The following GPLD1 variants were observed in gnomAD, a reference collection of about 807,000 sequenced individuals.
The protein encoded by GPLD1 is glycosylphosphatidylinositol specific phospholipase D1.
In GPLD1, 84 loss-of-function variants were observed where a neutral mutation model predicts 112.6. That is an observed-to-expected ratio of 0.75 (90% confidence interval 0.63 to 0.89). The LOEUF is 0.89. GPLD1 is among the 40% of genes least tolerant of loss of function. The pLI is 0.00. For synonymous variants in GPLD1, 386 were observed against 403.8 expected, an observed-to-expected ratio of 0.96 and a Z score of 0.53; for missense variants, 1,044 against 1,051.5, an observed-to-expected ratio of 0.99 and a Z score of 0.10.
intron 13 of GPLD1, among the ~76,000 whole-genome samples, chr6:24,455,722 G>A (rs576938478): frequency 5.1e-4 from 78 of 152,266 alleles, no homozygotes; most frequent in African/African-American, 1.8e-3. Flanking sequence ...AAAGAAATCT[G>A]TAAGAATTTA....
chr6:24,464,730 G>GGAGGGT (rs1561846546), intron 10 of GPLD1, among the ~76,000 whole-genome samples: 1 of 152,138 alleles, frequency 6.6e-6, no homozygotes, highest in African/African-American at 2.4e-5. Context: ...CCAGGCACAG[G>GGAGGGT]TCCCGCCCAG....
intron 23 of GPLD1, 49 bp from the exon 24 acceptor site, chr6:24,433,286 A>G (rs1375215946): frequency 1.9e-6 from 3 of 1,587,244 alleles, no homozygotes; most frequent in Admixed American, 1.7e-5. Context: ...ATAGTGTAAT[A>G]CTTTATCCGT....
In GPLD1 at chr6:24,436,725, T is replaced by C. The variant is rs1139478; in HGVS notation, c.2209A>G (p.Met737Val). The C allele has an allele frequency of 2.5e-6, 4 of 1,613,068 alleles. No homozygotes were observed. The highest frequency in any genetic ancestry group is 2.5e-6 in the Non-Finnish European group (3 of 1,179,792). The change falls in exon 22 of 25, where the codon ATG becomes GTG. Residue 737 changes from methionine to valine, a missense_variant. Met to Val is a conservative substitution (Grantham distance 21, BLOSUM62 1). Coordinates refer to ENST00000230036, the MANE Select transcript of GPLD1 (RefSeq NM_001503.4). ...LDDDGLDEII[M>V]AAPLRIADVT... ...TCTGCTATCCTCAGGGGGGCTGCCA[T>C]GATGATTTCATCTGAAAACAATAAA...
chr6:24,472,521 A>G, intron 7 of GPLD1, 61 bp downstream of exon 7: 1 of 942,032 alleles, frequency 1.1e-6, no homozygotes, highest in Non-Finnish European at 1.7e-6. Flanking sequence ...TTTCTAAGAA[A>G]AAAAGTCAAG....
rs772562513 is a variant in GPLD1, at chr6:24,460,337, T to C, written c.950A>G (p.Asp317Gly). 2 of 1,612,882 alleles carry C rather than the reference T, an allele frequency of 1.2e-6. No homozygotes were observed. Among genetic ancestry groups the C allele is most frequent in the Non-Finnish European group, 1.7e-6 (2 of 1,178,840 alleles). Residue 317 changes from aspartate to glycine, a missense_variant, in exon 12 of 25, where the codon GAC becomes GGC. Coordinates refer to ENST00000230036, the MANE Select transcript of GPLD1 (RefSeq NM_001503.4). ...TCTTTCAGTATAGTTTATATTCCTG[T>C]CAACACTTTCAGTTAGGGATGTAGT... The part of the protein sequence containing the change: ...NLTTSLTESV[D>G]RNINYTERGV...
At chr6:24,464,501 A>C (rs1763533804) in intron 10 of GPLD1, among the ~76,000 whole-genome samples, 1 of 152,210 alleles carries the variant, frequency 6.6e-6, no homozygotes, top group African/African-American at 2.4e-5. Flanking sequence ...GTTAAAAACA[A>C]GTTTATTATG....
chr6:24,443,174 C>T (rs575288812), intron 20 of GPLD1, among the ~76,000 whole-genome samples: 2 of 152,068 alleles, frequency 1.3e-5, no homozygotes, highest in East Asian at 1.9e-4. Flanking sequence ...GGAGGACGAA[C>T]GTAGAAATGA....
intron 15 of GPLD1, 122 bp from the exon 16 acceptor site, chr6:24,448,330 A>G: frequency 4.9e-5 from 21 of 426,672 alleles, no homozygotes; most frequent in Middle Eastern, 3.7e-4. Context: ...CTATAATCCC[A>G]GTGCTTTGGG....
intron 22 of GPLD1, 46 bp from the exon 23 acceptor site, chr6:24,433,435 G>A (rs1302414167): frequency 6.6e-6 from 9 of 1,367,772 alleles, no homozygotes; most frequent in Non-Finnish European, 7.3e-6. Flanking sequence ...TACTGTTTGT[G>A]TGGCTTTTTA....
At chr6:24,464,806 G>C (rs1263818033) in intron 10 of GPLD1, among the ~76,000 whole-genome samples, 1 of 152,174 alleles carries the variant, frequency 6.6e-6, no homozygotes, top group Non-Finnish European at 1.5e-5. Flanking sequence ...CCCCGATTCG[G>C]GGGCTGCCCT....
chr6:24,424,741 G>GCATAGAAGAT (rs1762170824), downstream of GPLD1: 1 of 152,208 alleles, frequency 6.6e-6, no homozygotes, highest in African/African-American at 2.4e-5. Context: ...ATTCTAGAGT[G>GCATAGAAGAT]TCCAGCTCTT....
intron 12 of GPLD1, among the ~76,000 whole-genome samples, chr6:24,457,744 G>A (rs1763313324): frequency 6.6e-6 from 1 of 151,936 alleles, no homozygotes; most frequent in Non-Finnish European, 1.5e-5. Context: ...GTGGTGGCGG[G>A]CACCTGTAGT....
Position 24,427,691 on chromosome 6 carries a change from C to T in GPLD1, c.*1341G>A, listed in dbSNP as rs913763912. Among the ~76,000 whole-genome samples the T allele has an allele frequency of 6.6e-6, 1 of 151,764 alleles. No individual in the cohort carries two copies. Among genetic ancestry groups the T allele is most frequent in the East Asian group, 1.9e-4 (1 of 5,180 alleles). On this transcript the variant is annotated 3_prime_UTR_variant, in exon 25 of 25. Coordinates refer to ENST00000230036, the MANE Select transcript of GPLD1 (RefSeq NM_001503.4). ...TGAAACCCTGTCTCTACTAAAAATA[C>T]AAAAATTAGCCGGGCGTAGTATTGT...
intron 20 of GPLD1, among the ~76,000 whole-genome samples, chr6:24,438,922 G>C (rs945477741): frequency 2.0e-5 from 3 of 152,136 alleles, no homozygotes; most frequent in Non-Finnish European, 4.4e-5. Flanking sequence ...GAGTAGCTGG[G>C]ACTACAGGCA....
intron 12 of GPLD1, among the ~76,000 whole-genome samples, chr6:24,459,106 C>A (rs1172064409): frequency 6.6e-6 from 1 of 152,146 alleles, no homozygotes; most frequent in Non-Finnish European, 1.5e-5. Flanking sequence ...TTTCCCAACA[C>A]CTGAAACTTT....
At chr6:24,493,577 TC>T (rs556913596), upstream of GPLD1, among the ~76,000 whole-genome samples, 150 of 152,188 alleles carry the variant, frequency 9.9e-4, 1 homozygote, top group African/African-American at 3.4e-3. Context: ...ACACGCCAGC[TC>T]CCCAGCCCCA....
chr6:24,451,319 T>C (rs572487968), intron 14 of GPLD1, among the ~76,000 whole-genome samples: 18 of 145,742 alleles, frequency 1.2e-4, no homozygotes, highest in African/African-American at 4.1e-4. Flanking sequence ...CACTGGGTTT[T>C]CCAATTCTTT....
chr6:24,430,078 G>A (rs766386608), intron 24 of GPLD1, among the ~76,000 whole-genome samples: 9 of 152,166 alleles, frequency 5.9e-5, no homozygotes, highest in Non-Finnish European at 1.0e-4. Context: ...GTTGTATCAT[G>A]GGTCAGACAC....
At chr6:24,429,943 T>C (rs1173869718) in intron 24 of GPLD1, among the ~76,000 whole-genome samples, 2 of 152,242 alleles carry the variant, frequency 1.3e-5, no homozygotes, top group Non-Finnish European at 2.9e-5. Flanking sequence ...AGCTGGCACA[T>C]GAGGTACGGG....
Sources: allele counts gnomAD v4.1 joint callset (sites outside exome capture counted in the v4.1 genomes callset), GRCh38; gene constraint gnomAD v4.1.1; transcripts MANE v1.5; gene names NCBI Gene and HGNC (gene_info 2026-07-23, HGNC 2026-07-21).